PELI3: variants seen among roughly 807,000 people sequenced by gnomAD.
PELI3 encodes the protein pellino E3 ubiquitin protein ligase family member 3.
A neutral mutation model predicts 35.5 loss-of-function variants in PELI3; 19 were observed. The ratio of observed to expected loss-of-function variants is 0.54; its 90% CI spans 0.37 to 0.79. The LOEUF is 0.79. Among genes scored for constraint, PELI3 ranks in the 30% least tolerant of loss-of-function variants. The probability of loss-of-function intolerance (pLI) is 0.00; values close to 1 mark genes in which losing one functional copy is unlikely to be tolerated. For synonymous variants in PELI3, 262 were observed against 279.2 expected, an observed-to-expected ratio of 0.94 and a Z score of 0.62; for missense variants, 490 against 661.2, an observed-to-expected ratio of 0.74 and a Z score of 2.84.
chr11:66,468,058 G>A (rs1232159969), intron 1 of PELI3, 70 bp from the exon 2 acceptor site: 2 of 1,496,308 alleles, frequency 1.3e-6, no homozygotes, highest in African/African-American at 2.9e-5. Flanking sequence ...CCCTGCAGCA[G>A]GCTGCAGCTG....
chr11:66,470,602 C>G (rs557187471), intron 3 of PELI3, among the ~76,000 whole-genome samples: 1 of 152,362 alleles, frequency 6.6e-6, no homozygotes, highest in East Asian at 1.9e-4. Flanking sequence ...CTCTGTGCCT[C>G]TCACAGCCAT....
Position 66,473,438 on chromosome 11 carries a change from G to A in PELI3, c.651+3G>A. The A allele has an allele frequency of 8.1e-6, 13 of 1,606,162 alleles. No homozygotes were observed. The highest frequency in any genetic ancestry group is 1.0e-5 in the Non-Finnish European group (12 of 1,174,826). On this transcript the variant is annotated splice_donor_region_variant and intron_variant, in intron 6 of 7. Coordinates refer to ENST00000320740, the MANE Select transcript of PELI3 (RefSeq NM_145065.3). This position sits in a 1 kb window ranked among gnomAD's most constrained non-coding sequence, Gnocchi z 5.8. ...CCTCTAGCAACATCTTCCTTGGAGT[G>A]AGTGAGCCCCAGGAAGGGACCAACT...
chr11:66,471,090 G>C (rs1854698789), intron 3 of PELI3, 152 bp from the exon 4 acceptor site: 3 of 1,057,478 alleles, frequency 2.8e-6, no homozygotes, highest in Non-Finnish European at 4.1e-6. Flanking sequence ...TTATTGTAGG[G>C]TCTTCTAGTT....
At position 66,475,722 on chromosome 11, in the gene PELI3, G is replaced by A. The variant is rs746212635; in HGVS notation, c.965G>A (p.Arg322Gln). 3.1e-6 allele frequency: 5 copies of A among 1,612,064 alleles called. No homozygotes were observed. Among genetic ancestry groups the A allele is most frequent in the East Asian group, 2.2e-5 (1 of 44,874 alleles). Residue 322 changes from arginine to glutamine, a missense_variant, in exon 8 of 8, where the codon CGG (arginine) becomes CAG (glutamine). Transcript: ENST00000320740. The stretch of plus-strand genomic sequence containing the variant: ...ACACTGAAGCAACTGGAGGCCCAGC[G>A]GCAGGAGGCAAATGCAGCGCGGCCC... ...APTLKQLEAQ[R>Q]QEANAARPQC...
Position 66,476,173 on chromosome 11 carries a change from C to T in PELI3, c.*6C>T. 1 of 1,535,800 alleles carries T rather than the reference C, an allele frequency of 6.5e-7. No homozygotes were observed. Among genetic ancestry groups the T allele is most frequent in the Non-Finnish European group, 8.7e-7 (1 of 1,146,392 alleles). On this transcript the variant is annotated 3_prime_UTR_variant, in exon 8 of 8. Coordinates refer to ENST00000320740, the MANE Select transcript of PELI3 (RefSeq NM_145065.3). ...TCCAGGGCCCGCTGGATTAGGCTCC[C>T]TGGGGCCCCCTGCTGCTGTGCCCAC... is the stretch of plus-strand genomic sequence containing the variant.
chr11:66,469,806 T>G (rs1428145045), intron 3 of PELI3, among the ~76,000 whole-genome samples: 1 of 145,272 alleles, frequency 6.9e-6, no homozygotes, highest in Non-Finnish European at 1.5e-5. Context: ...TTTTTTTTGT[T>G]TTTTTTTTTT....
chr11:66,468,174 G>T lies in PELI3; in HGVS notation c.46G>T (p.Asp16Tyr). The T allele has an allele frequency of 6.2e-7, 1 of 1,608,960 alleles. No individual in the cohort carries two copies. Among genetic ancestry groups the T allele is most frequent in the Non-Finnish European group, 8.5e-7 (1 of 1,177,326 alleles). ...TGAAGTGGGGTCCCCCCGAACCTCA[G>T]ACCTCCAGCACCGGGGGAACAAGGG... Reference protein sequence around the residue: ...NPEVGSPRTSDLQHRGNKGSC... With the variant: ...NPEVGSPRTSYLQHRGNKGSC... Residue 16 changes from aspartate to tyrosine, a missense_variant, in exon 2 of 8, where the codon GAC (aspartate) becomes TAC (tyrosine). Coordinates refer to ENST00000320740, the MANE Select transcript of PELI3 (RefSeq NM_145065.3).
chr11:66,469,791 G>GTTTTGT (rs1854652127), intron 3 of PELI3, among the ~76,000 whole-genome samples: 3 of 124,610 alleles, frequency 2.4e-5, no homozygotes, highest in African/African-American at 6.2e-5. Context: ...CAGGGAATCT[G>GTTTTGT]TTTTTTTTTT....
chr11:66,466,575 TC>T, upstream of PELI3: 1 of 151,388 alleles, frequency 6.6e-6, no homozygotes, highest in Non-Finnish European at 1.5e-5. Context: ...AACCCCGGAG[TC>T]CCCGGAAATG....
chr11:66,475,179 C>G (rs957326977), intron 7 of PELI3: 2 of 208,026 alleles, frequency 9.6e-6, no homozygotes, highest in African/African-American at 4.7e-5. Flanking sequence ...TCAGCCTGGG[C>G]AGCCTAGCTC....
Position 66,475,791 on chromosome 11 carries a change from C to T in PELI3, c.1034C>T (p.Ala345Val), listed in dbSNP as rs1202971407. The change falls in exon 8 of 8, where the codon GCC becomes GTC. Residue 345 changes from alanine to valine, a missense_variant. Ala to Val is a moderately conservative substitution (Grantham distance 64). Coordinates refer to ENST00000320740, the MANE Select transcript of PELI3 (RefSeq NM_145065.3). ...AGCACTCTGGCCTTCCCCAGCCCAG[C>T]CCGTGGCCGCACAGCGCCCGACAAA... ...GLSTLAFPSP[A>V]RGRTAPDKQQ... 1 of 1,608,908 alleles carries T rather than the reference C, an allele frequency of 6.2e-7. No individual in the cohort carries two copies. The highest frequency in any genetic ancestry group is 1.1e-5 in the South Asian group (1 of 90,672).
In PELI3 at chr11:66,475,860, AC is replaced by A. The variant is rs1223518583; in HGVS notation, c.1105del (p.His369ThrfsTer207). On this transcript the variant is annotated frameshift_variant, in exon 8 of 8. Coordinates refer to ENST00000320740, the MANE Select transcript of PELI3 (RefSeq NM_145065.3). LOFTEE classifies it high-confidence loss of function. ...VYVRCGHVHGYHGWGCRRERG... is the reference protein window; with the variant it reads ...VYVRCGHVHGXHGWGCRRERG... ...GTCCGCTGCGGGCACGTCCATGGCT[AC>A]CACGGCTGGGGCTGCCGGCGGGAGC... 2.5e-6 allele frequency: 4 copies of A among 1,607,044 alleles called. No homozygotes were observed. The highest frequency in any genetic ancestry group is 3.4e-6 in the Non-Finnish European group (4 of 1,177,720).
chr11:66,466,641 A>C (rs1449688704), upstream of PELI3: 2 of 150,250 alleles, frequency 1.3e-5, no homozygotes, highest in African/African-American at 4.9e-5. Context: ...ACTACGGGGG[A>C]GTCCTGAGCC....
chr11:66,473,639 C>A lies in PELI3; in HGVS notation c.652-98C>A, dbSNP rs1854798295. The A allele has an allele frequency of 1.3e-6, 2 of 1,497,358 alleles. No individual in the cohort carries two copies. The highest frequency in any genetic ancestry group is 1.8e-6 in the Non-Finnish European group (2 of 1,106,444). The allele number at this position is 1,497,358 out of a possible 1,614,324, so 92.8% of individuals were successfully genotyped here. On this transcript the variant is annotated intron_variant, in intron 6 of 7. Transcript: ENST00000320740. The surrounding 1 kb of genome is among the most constrained non-coding windows in gnomAD (Gnocchi z 5.8). ...AGCTTCAATGCCAGTCCTCTCTGGG[C>A]CGCCTCTGAACTTGAAGGTAGCGGG... is the stretch of plus-strand genomic sequence containing the variant.
chr11:66,471,696 G>T (rs1282502569), intron 4 of PELI3, among the ~76,000 whole-genome samples: 6 of 152,008 alleles, frequency 3.9e-5, no homozygotes, highest in Non-Finnish European at 1.5e-5. Flanking sequence ...GGCAGCCAAG[G>T]TTCAGAGAGT....
At position 66,476,529 on chromosome 11, in the gene PELI3, G is replaced by T; in HGVS notation, c.*362G>T. 1 of 269,446 alleles carries T rather than the reference G, an allele frequency of 3.7e-6. No individual in the cohort carries two copies. The highest frequency in any genetic ancestry group is 7.1e-6 in the Non-Finnish European group (1 of 141,316). The allele number at this position is 269,446 out of a possible 1,614,324, so 16.7% of individuals were successfully genotyped here. Reference sequence around the variant, plus strand: ...CCCCAGCTTAGGCTGGCTATGCCCTGAGCCTGCCAACCCAGTTTCAGACAC... The same window carrying T: ...CCCCAGCTTAGGCTGGCTATGCCCTTAGCCTGCCAACCCAGTTTCAGACAC... On this transcript the variant is annotated 3_prime_UTR_variant, in exon 8 of 8. Coordinates refer to ENST00000320740, the MANE Select transcript of PELI3 (RefSeq NM_145065.3).
intron 7 of PELI3, 172 bp downstream of exon 7, chr11:66,474,097 C>T: frequency 1.2e-6 from 1 of 853,696 alleles, no homozygotes; most frequent in Non-Finnish European, 1.9e-6. Context: ...GCCACTTGTC[C>T]CACAGACAGG....
rs557249032 is a variant in PELI3 at position 66,471,226 on chromosome 11, C to A, written c.225-16C>A. ...TCCTCTTGCAACCCCTTCTTCTTAACCCCCGACATCTACAGCTACAATGGT... is the reference window on the plus strand; with the variant it reads ...TCCTCTTGCAACCCCTTCTTCTTAAACCCCGACATCTACAGCTACAATGGT... On this transcript the variant is annotated splice_polypyrimidine_tract_variant and intron_variant, in intron 3 of 7. Coordinates refer to ENST00000320740, the MANE Select transcript of PELI3 (RefSeq NM_145065.3). The A allele has an allele frequency of 3.2e-5, 52 of 1,604,760 alleles. 1 individual carries two copies. The South Asian group carries it at 5.3e-4, about 16-fold the overall frequency.
In PELI3 at chr11:66,475,917, G is replaced by C; in HGVS notation, c.1160G>C (p.Cys387Ser). The C allele has an allele frequency of 6.2e-7, 1 of 1,610,856 alleles. No individual in the cohort carries two copies. Reference protein sequence around the residue: ...RGPQERECPLCRLVGPYVPLW... With the variant: ...RGPQERECPLSRLVGPYVPLW... ...CCCCAGGAGCGCGAATGTCCTCTCTGCCGCCTTGTGGGGCCTTATGTGCCT... is the reference window on the plus strand; with the variant it reads ...CCCCAGGAGCGCGAATGTCCTCTCTCCCGCCTTGTGGGGCCTTATGTGCCT... The change falls in exon 8 of 8, where the codon TGC becomes TCC. Residue 387 changes from cysteine to serine, a missense_variant. By Grantham distance (112) the Cys-to-Ser change is moderately radical. Around this residue, in one of 3 missense-constraint regions of PELI3, gnomAD observed 349 missense variants for 484.8 expected, o/e 0.72. Transcript: ENST00000320740.
Sources: allele counts gnomAD v4.1 joint callset (sites outside exome capture counted in the v4.1 genomes callset), GRCh38; gene constraint gnomAD v4.1.1; regional missense constraint gnomAD v4.1.1; non-coding constraint Gnocchi (gnomAD v3.1); transcripts MANE v1.5; gene names NCBI Gene and HGNC (gene_info 2026-07-23, HGNC 2026-07-21).